TLN2: variants seen among roughly 807,000 people sequenced by gnomAD.
The protein encoded by TLN2 is talin-2.
TLN2 carries 118 observed loss-of-function variants against 294.7 expected under a neutral mutation model. The ratio of observed to expected loss-of-function variants is 0.40; its 90% CI spans 0.34 to 0.47. The LOEUF is 0.47. TLN2 is among the 20% of genes least tolerant of loss of function. The probability of loss-of-function intolerance (pLI) is 0.84; values close to 1 mark genes in which losing one functional copy is unlikely to be tolerated. For missense variants in TLN2, 3,083 were observed against 3,282.2 expected (o/e 0.94, Z 1.48); for synonymous variants, 1,431 against 1,304.5 (o/e 1.10, Z -2.09).
Position 62,703,914 on chromosome 15 carries a change from G to A in TLN2, c.2004+1050G>A, listed in dbSNP as rs559239629. Reference sequence around the variant, plus strand: ...GTGGGGCGCAGAGGCCTGCTTCTGGGGTGGTTCAGGCCAGGATGAGCTGCT... The same window carrying A: ...GTGGGGCGCAGAGGCCTGCTTCTGGAGTGGTTCAGGCCAGGATGAGCTGCT... On this transcript the variant is annotated intron_variant, in intron 19 of 58. Transcript: ENST00000636159. Among the ~76,000 whole-genome samples the A allele has an allele frequency of 7.5e-4, 114 of 152,258 alleles. 1 individual carries two copies. The East Asian group carries it at 0.012, about 15-fold the overall frequency.
chr15:62,527,924 A>C (rs2040826706), intron 1 of TLN2, among the ~76,000 whole-genome samples: 1 of 152,204 alleles, frequency 6.6e-6, no homozygotes, highest in Non-Finnish European at 1.5e-5. Flanking sequence ...TGTATATTTA[A>C]AAGTTTATGA....
intron 24 of TLN2, 97 bp from the exon 25 acceptor site, chr15:62,719,670 A>C: frequency 2.1e-6 from 2 of 951,488 alleles, no homozygotes; most frequent in Admixed American, 2.9e-5. Flanking sequence ...CTGGGAGTAG[A>C]TGGCACATCC....
At chr15:62,750,513 G>A (rs2061870335) in intron 34 of TLN2, 22 bp downstream of exon 34, 1 of 1,600,914 alleles carries the variant, frequency 6.2e-7, no homozygotes, top group South Asian at 1.1e-5. Context: ...TATGCCGTAA[G>A]TCAGAAGTTA....
intron 2 of TLN2, among the ~76,000 whole-genome samples, chr15:62,611,200 A>G (rs1159256153): frequency 6.6e-6 from 1 of 152,196 alleles, no homozygotes; most frequent in African/African-American, 2.4e-5. Flanking sequence ...ATTGAAAATA[A>G]TGCAAGTGTC....
chr15:62,748,164 G>A (rs1248283847), intron 32 of TLN2, among the ~76,000 whole-genome samples, 187 bp from the exon 33 acceptor site: 1 of 152,068 alleles, frequency 6.6e-6, no homozygotes, highest in African/African-American at 2.4e-5. Context: ...GGCGAGGTAG[G>A]GTTTCTCATT....
intron 1 of TLN2, among the ~76,000 whole-genome samples, chr15:62,485,620 G>A (rs1301510218): frequency 6.6e-6 from 1 of 152,220 alleles, no homozygotes; most frequent in Non-Finnish European, 1.5e-5. Context: ...CTTAAATGAA[G>A]TGGGTGGGGA....
At chr15:62,469,436 G>GT (rs2140358471) in intron 1 of TLN2, among the ~76,000 whole-genome samples, 1 of 152,350 alleles carries the variant, frequency 6.6e-6, no homozygotes, top group African/African-American at 2.4e-5. Context: ...CCCAAAAGCT[G>GT]TTCTTTATAA....
intron 50 of TLN2, among the ~76,000 whole-genome samples, chr15:62,803,091 A>G (rs2066042863): frequency 6.6e-6 from 1 of 152,130 alleles, no homozygotes; most frequent in Admixed American, 6.5e-5. Flanking sequence ...TTCATCAGCT[A>G]TACTATTCTG....
chr15:62,479,673 A>G (rs1471282532), intron 1 of TLN2, among the ~76,000 whole-genome samples: 2 of 152,146 alleles, frequency 1.3e-5, no homozygotes, highest in Non-Finnish European at 2.9e-5. Flanking sequence ...TTTAGTAGCG[A>G]CGGGGTTTTA....
chr15:62,785,330 G>A (rs927266155), intron 45 of TLN2, among the ~76,000 whole-genome samples: 1 of 152,162 alleles, frequency 6.6e-6, no homozygotes, highest in Admixed American at 6.5e-5. Flanking sequence ...ATAAACAAAT[G>A]TAAGGGAACT....
At chr15:62,450,193 C>G (rs925779828) in intron 1 of TLN2, among the ~76,000 whole-genome samples, 5 of 152,134 alleles carry the variant, frequency 3.3e-5, no homozygotes, top group African/African-American at 1.2e-4. Flanking sequence ...ACTCATACTC[C>G]TTGCCTGAAA....
chr15:62,457,837 G>T (rs536739492), intron 1 of TLN2, among the ~76,000 whole-genome samples: 1 of 152,302 alleles, frequency 6.6e-6, no homozygotes, highest in African/African-American at 2.4e-5. Context: ...TTGGCTTCAG[G>T]TCCCCTCTGC....
intron 9 of TLN2, among the ~76,000 whole-genome samples, chr15:62,667,196 G>C (rs1241135999): frequency 2.0e-5 from 3 of 152,134 alleles, no homozygotes; most frequent in Non-Finnish European, 2.9e-5. Flanking sequence ...TCGATCTCCT[G>C]ACCTAGTGAT....
intron 52 of TLN2, among the ~76,000 whole-genome samples, chr15:62,810,496 A>G (rs2066605205): frequency 6.6e-6 from 1 of 152,100 alleles, no homozygotes. Context: ...CACAACTTCC[A>G]TCCTCGAATG....
intron 2 of TLN2, among the ~76,000 whole-genome samples, chr15:62,607,411 G>T (rs552539026): frequency 1.3e-5 from 2 of 152,236 alleles, no homozygotes; most frequent in South Asian, 4.2e-4. Context: ...TTATTCTGTT[G>T]CCTTTGGATT....
chr15:62,472,068 T>C (rs879672818), intron 1 of TLN2, among the ~76,000 whole-genome samples: 14 of 152,274 alleles, frequency 9.2e-5, no homozygotes, highest in Admixed American at 9.2e-4. Context: ...GCTCACCTGA[T>C]TTCCCCTGAT....
At chr15:62,794,516 C>A (rs1270661127) in intron 46 of TLN2, among the ~76,000 whole-genome samples, 4 of 152,186 alleles carry the variant, frequency 2.6e-5, no homozygotes, top group African/African-American at 9.7e-5. Context: ...CTCCCAGACA[C>A]ATATACAACC....
At position 62,797,418 on chromosome 15, in the gene TLN2, G is replaced by A. The variant is rs1461411281; in HGVS notation, c.6234+16G>A. 6.3e-7 allele frequency: 1 copy of A among 1,578,402 alleles called. No individual in the cohort carries two copies. Among genetic ancestry groups the A allele is most frequent in the Admixed American group, 1.9e-5 (1 of 53,434 alleles). On this transcript the variant is annotated intron_variant, in intron 48 of 58. Transcript: ENST00000636159. ...CGAGACCCAGGTACCAGCAGGGCCTGGGGAGTGCGTCCTCCCGGTCTTCCC... is the reference window on the plus strand; with the variant it reads ...CGAGACCCAGGTACCAGCAGGGCCTAGGGAGTGCGTCCTCCCGGTCTTCCC...
At chr15:62,647,594 C>A in intron 4 of TLN2, 148 bp downstream of exon 4, 1 of 1,121,674 alleles carries the variant, frequency 8.9e-7, no homozygotes, top group Non-Finnish European at 1.3e-6. Flanking sequence ...ACACTACCTG[C>A]TTCCTCTGTG....
Sources: allele counts gnomAD v4.1 joint callset (sites outside exome capture counted in the v4.1 genomes callset), GRCh38; gene constraint gnomAD v4.1.1; transcripts MANE v1.5; gene names NCBI Gene and HGNC (gene_info 2026-07-23, HGNC 2026-07-21).